RELN: variants seen among roughly 807,000 people sequenced by gnomAD.
RELN encodes reelin.
In RELN, 108 loss-of-function variants were observed where a neutral mutation model predicts 427.6. The observed-to-expected ratio is 0.25, with a 90% CI of 0.22 to 0.30. The LOEUF (loss-of-function observed/expected upper bound fraction) is 0.30, where lower values mean the gene tolerates loss of function less well. Among genes scored for constraint, RELN ranks in the 10% least tolerant of loss-of-function variants. RELN has a pLI of 1.00. For synonymous variants in RELN, 1,524 were observed against 1,513.4 expected, an observed-to-expected ratio of 1.01 and a Z score of -0.16; for missense variants, 3,715 against 4,302.8, an observed-to-expected ratio of 0.86 and a Z score of 3.82.
intron 2 of RELN, among the ~76,000 whole-genome samples, chr7:103,849,845 AT>A (rs1271586072): frequency 1.3e-5 from 2 of 152,224 alleles, no homozygotes; most frequent in Non-Finnish European, 2.9e-5. Flanking sequence ...CTATCTGGCC[AT>A]TTACGGAAAA....
At chr7:103,795,235 T>C (rs1792272132) in intron 3 of RELN, among the ~76,000 whole-genome samples, 1 of 152,210 alleles carries the variant, frequency 6.6e-6, no homozygotes, top group African/African-American at 2.4e-5. Context: ...GATATCTATA[T>C]AAATGGTCCT....
At chr7:103,659,552 A>C (rs576301368) in intron 12 of RELN, among the ~76,000 whole-genome samples, 9 of 152,014 alleles carry the variant, frequency 5.9e-5, no homozygotes, top group Non-Finnish European at 1.3e-4. Flanking sequence ...CTCTTCCTTA[A>C]ATTTAAATCA....
chr7:103,973,742 C>T (rs1043751038), intron 1 of RELN, among the ~76,000 whole-genome samples: 1 of 152,010 alleles, frequency 6.6e-6, no homozygotes, highest in African/African-American at 2.4e-5. Flanking sequence ...ATCAAGAGCA[C>T]ATAATGTTAA....
chr7:103,526,733 C>T (rs1023259235), intron 46 of RELN, among the ~76,000 whole-genome samples: 3 of 152,108 alleles, frequency 2.0e-5, no homozygotes, highest in African/African-American at 7.2e-5. Flanking sequence ...TGATGCTTCC[C>T]TGTCAGTAAA....
intron 5 of RELN, among the ~76,000 whole-genome samples, chr7:103,751,664 A>T (rs1261464794): frequency 6.6e-6 from 1 of 152,264 alleles, no homozygotes; most frequent in Non-Finnish European, 1.5e-5. Context: ...TGGCTGGGCC[A>T]CTGCGGGTCA....
At chr7:103,588,589 G>C (rs1053234812) in intron 28 of RELN, among the ~76,000 whole-genome samples, 1 of 152,054 alleles carries the variant, frequency 6.6e-6, no homozygotes, top group Non-Finnish European at 1.5e-5. Flanking sequence ...TATTTCACAT[G>C]TACTCTGACA....
chr7:103,498,479 T>A (rs1291832455), intron 53 of RELN, among the ~76,000 whole-genome samples: 6 of 146,410 alleles, frequency 4.1e-5, no homozygotes, highest in Non-Finnish European at 8.9e-5. Flanking sequence ...TTAAAATAAT[T>A]GTAAAGTTGA....
chr7:103,851,071 G>C (rs978070000), intron 2 of RELN, among the ~76,000 whole-genome samples: 12 of 152,280 alleles, frequency 7.9e-5, no homozygotes, highest in Admixed American at 7.2e-4. Flanking sequence ...CAAAATCGTG[G>C]AACCAACCCA....
At chr7:103,744,522 A>C (rs1314973038) in intron 6 of RELN, among the ~76,000 whole-genome samples, 9 of 152,202 alleles carry the variant, frequency 5.9e-5, no homozygotes. Flanking sequence ...CACTAGCAAG[A>C]CTAATAAAGA....
chr7:103,480,895 G>T (rs992753715), intron 63 of RELN, among the ~76,000 whole-genome samples: 1 of 152,186 alleles, frequency 6.6e-6, no homozygotes, highest in Non-Finnish European at 1.5e-5. Flanking sequence ...GATAAGAACA[G>T]ACTTATCAGG....
chr7:103,955,026 T>A (rs1417563548), intron 1 of RELN, among the ~76,000 whole-genome samples: 3 of 152,218 alleles, frequency 2.0e-5, no homozygotes, highest in African/African-American at 7.2e-5. Context: ...ATTTGTTCAT[T>A]AAAAGCAGAA....
intron 2 of RELN, among the ~76,000 whole-genome samples, chr7:103,876,601 G>A (rs1794484411): frequency 6.6e-6 from 1 of 152,110 alleles, no homozygotes; most frequent in Non-Finnish European, 1.5e-5. Flanking sequence ...ATAGGGTAAA[G>A]CCTGATGCAT....
chr7:103,907,937 A>C (rs780329072), intron 2 of RELN, among the ~76,000 whole-genome samples: 36 of 152,060 alleles, frequency 2.4e-4, no homozygotes, highest in Non-Finnish European at 4.7e-4. Context: ...ATTTGTATTA[A>C]TGTTCTCCCT....
chr7:103,634,179 C>G lies in RELN; in HGVS notation c.2465+1246G>C, dbSNP rs182001814. On this transcript the variant is annotated intron_variant, in intron 19 of 64. Coordinates refer to ENST00000428762, the MANE Select transcript of RELN (RefSeq NM_005045.4). Reference sequence around the variant, plus strand: ...CCCCTCTCTCCTACTTTCCTTAACCCTGTCTTTTTTCCAGGGTGCCAATGC... The same window carrying G: ...CCCCTCTCTCCTACTTTCCTTAACCGTGTCTTTTTTCCAGGGTGCCAATGC... 6.0e-4 allele frequency among the ~76,000 whole-genome samples: 91 copies of G among 152,132 alleles called. 1 individual carries two copies. The highest frequency in any genetic ancestry group is 3.4e-3 in the Admixed American group (52 of 15,272).
In RELN at chr7:103,593,665, A is replaced by G; in HGVS notation, c.3912+17T>C. 2.5e-6 allele frequency: 4 copies of G among 1,604,672 alleles called. No homozygotes were observed. Among genetic ancestry groups the G allele is most frequent in the Non-Finnish European group, 3.4e-6 (4 of 1,171,482 alleles). On this transcript the variant is annotated intron_variant, in intron 27 of 64. Coordinates refer to ENST00000428762, the MANE Select transcript of RELN (RefSeq NM_005045.4). ...TACTCCTTAACTTGCTCTGGGAAGA[A>G]GCTTGTGCATAAATACCTTGAACTG...
In RELN at chr7:103,857,273, T is replaced by C. The variant is rs150193112; in HGVS notation, c.338-23601A>G. On this transcript the variant is annotated intron_variant, in intron 2 of 64. Coordinates refer to ENST00000428762, the MANE Select transcript of RELN (RefSeq NM_005045.4). ...GGGAAGACCTCTATCTAAGCTATCA[T>C]TGAATATAAATTTTATGAATGTTTT... Among the ~76,000 whole-genome samples the C allele has an allele frequency of 4.6e-5, 7 of 152,328 alleles. No individual in the cohort carries two copies. The East Asian group carries it at 1.2e-3, about 25-fold the overall frequency.
At chr7:103,562,695 A>G (rs1273764792) in intron 34 of RELN, among the ~76,000 whole-genome samples, 1 of 152,208 alleles carries the variant, frequency 6.6e-6, no homozygotes, top group Non-Finnish European at 1.5e-5. Context: ...CAGCAGCACC[A>G]TTCTAAGTAG....
chr7:103,494,286 T>C (rs1828759773), intron 57 of RELN, among the ~76,000 whole-genome samples: 1 of 152,052 alleles, frequency 6.6e-6, no homozygotes, highest in African/African-American at 2.4e-5. Context: ...ACTGTCATTG[T>C]AGTACATCAA....
intron 46 of RELN, among the ~76,000 whole-genome samples, chr7:103,530,524 C>T (rs1320114207): frequency 1.3e-5 from 2 of 152,314 alleles, no homozygotes; most frequent in Admixed American, 6.5e-5. Flanking sequence ...GCTCAAAACC[C>T]ACCACAGTTC....
Sources: allele counts gnomAD v4.1 joint callset (sites outside exome capture counted in the v4.1 genomes callset), GRCh38; gene constraint gnomAD v4.1.1; transcripts MANE v1.5; gene names NCBI Gene and HGNC (gene_info 2026-07-23, HGNC 2026-07-21).